HLA-F: variants seen among roughly 807,000 people sequenced by gnomAD.
HLA-F encodes the protein HLA class I histocompatibility antigen, alpha chain F.
In HLA-F, 46 loss-of-function variants were observed where a neutral mutation model predicts 49.5. The ratio of observed to expected loss-of-function variants is 0.93; its 90% CI spans 0.73 to 1.19. HLA-F has a LOEUF of 1.19. Among genes scored for constraint, HLA-F ranks in the 50% most tolerant of loss-of-function variants. The pLI is 0.00. For missense variants in HLA-F, 496 were observed against 579.6 expected (o/e 0.86, Z 1.48); for synonymous variants, 203 against 233.5 (o/e 0.87, Z 1.19).
chr6:29,724,171 A>G lies in HLA-F; in HGVS notation c.335-2A>G. ...GCGGGGCTGACTGCGGGGACCGGCT[A>G]GGGTCTCACACCCTCCAGGGAATGA... On this transcript the variant is annotated splice_acceptor_variant, in intron 2 of 6. Transcript: ENST00000259951. LOFTEE classifies it high-confidence loss of function. The G allele has an allele frequency of 6.2e-7, 1 of 1,612,876 alleles. No individual in the cohort carries two copies. The highest frequency in any genetic ancestry group is 1.1e-5 in the South Asian group (1 of 91,074).
At position 29,726,974 on chromosome 6, in the gene HLA-F, C is replaced by T; in HGVS notation, c.1128C>T (p.Leu376=). ...GVLFQGYLGC[L]RSHSVLGRRK... ...TCTTCCAAGGATATTTGGGCTGCCT[C>T]CGGAGTCACAGTGTCTTGGGCCGCC... The change falls in exon 7 of 7, where the codon CTC becomes CTT. Residue 376 remains leucine (L), a synonymous_variant. Transcript: ENST00000259951. 6.2e-7 allele frequency: 1 copy of T among 1,613,138 alleles called. No individual in the cohort carries two copies. Among genetic ancestry groups the T allele is most frequent in the Non-Finnish European group, 8.5e-7 (1 of 1,180,032 alleles).
Position 29,723,724 on chromosome 6 carries a change from T to C in HLA-F, c.131T>C (p.Ile44Thr). The change falls in exon 2 of 7, where the codon ATC (isoleucine) becomes ACC (threonine). Residue 44 changes from isoleucine to threonine, a missense_variant. By Grantham distance (89) the Ile-to-Thr change is moderately conservative. Coordinates refer to ENST00000259951, the MANE Select transcript of HLA-F (RefSeq NM_001098479.2). ...CCCGGCCGCGGGGAGCCCCGCTACA[T>C]CGCCGTGGAGTACGTAGACGACACG... ...SRPGRGEPRYIAVEYVDDTQF... is the reference protein window; with the variant it reads ...SRPGRGEPRYTAVEYVDDTQF... The C allele has an allele frequency of 1.2e-6, 2 of 1,612,012 alleles. No homozygotes were observed. Among genetic ancestry groups the C allele is most frequent in the Non-Finnish European group, 1.7e-6 (2 of 1,179,870 alleles).
chr6:29,724,231 C>T lies in HLA-F; in HGVS notation c.393C>T (p.Leu131=), dbSNP rs755346551. ...ACATGGGGCCCGACGGACGCCTCCT[C>T]CGCGGGTATCACCAGCACGCGTACG... ...GCDMGPDGRL[L]RGYHQHAYDG... The change falls in exon 3 of 7, where the codon CTC becomes CTT. Residue 131 remains leucine (L), a synonymous_variant. Coordinates refer to ENST00000259951, the MANE Select transcript of HLA-F (RefSeq NM_001098479.2). The T allele has an allele frequency of 3.7e-6, 6 of 1,613,118 alleles. No homozygotes were observed. The highest frequency in any genetic ancestry group is 5.1e-6 in the Non-Finnish European group (6 of 1,180,048).
At chr6:29,727,348 T>C (rs2127591380), downstream of HLA-F, 3 of 505,280 alleles carry the variant, frequency 5.9e-6, no homozygotes, top group East Asian at 9.6e-5. Context: ...TACATTTTTG[T>C]ACCTATTTTT....
At chr6:29,725,710 A>G in intron 5 of HLA-F, 147 bp downstream of exon 5, 2 of 742,140 alleles carry the variant, frequency 2.7e-6, no homozygotes. Context: ...GCCAGCACCT[A>G]CTCATTTGTA....
Position 29,723,722 on chromosome 6 carries a change from CAT to C in HLA-F, c.130_131del (p.Ile44ArgfsTer51), listed in dbSNP as rs1775634747. On this transcript the variant is annotated frameshift_variant, in exon 2 of 7. Coordinates refer to ENST00000259951, the MANE Select transcript of HLA-F (RefSeq NM_001098479.2). LOFTEE classifies it high-confidence loss of function. ...GGCCCGGCCGCGGGGAGCCCCGCTA[CAT>C]CGCCGTGGAGTACGTAGACGACACG... Reference protein sequence around the residue: ...SRPGRGEPRYIAVEYVDDTQF... With the variant: ...SRPGRGEPRYXAVEYVDDTQF... 2 of 1,611,938 alleles carry C rather than the reference CAT, an allele frequency of 1.2e-6. No homozygotes were observed. The highest frequency in any genetic ancestry group is 1.7e-6 in the Non-Finnish European group (2 of 1,179,886).
rs763933989 is a variant in HLA-F, at chr6:29,724,376, TAC to T, written c.539_540del (p.Tyr180SerfsTer37). On this transcript the variant is annotated frameshift_variant, in exon 3 of 7. Transcript: ENST00000259951. LOFTEE classifies it high-confidence loss of function. ...AEEYAEEFRT[Y>X]LEGECLELLR... ...GGAATATGCAGAGGAGTTCAGGACC[TAC>T]CTGGAGGGCGAGTGCCTGGAGTTGC... The T allele has an allele frequency of 6.2e-7, 1 of 1,613,226 alleles. No homozygotes were observed.
chr6:29,728,183 C>A (rs1776286164), downstream of HLA-F: 3 of 432,762 alleles, frequency 6.9e-6, no homozygotes, highest in Non-Finnish European at 1.4e-5. Flanking sequence ...AGCCCCAATA[C>A]CAAGATTGCC....
intron 4 of HLA-F, 68 bp from the exon 5 acceptor site, chr6:29,725,379 G>A: frequency 6.2e-7 from 1 of 1,609,132 alleles, no homozygotes; most frequent in Admixed American, 1.7e-5. Context: ...AGCCCTTCTG[G>A]AGCTCTTCAG....
At position 29,726,347 on chromosome 6, in the gene HLA-F, AGT is replaced by A. The variant is rs1249545810; in HGVS notation, c.1036+307_1036+308del. On this transcript the variant is annotated intron_variant, in intron 6 of 6. Transcript: ENST00000259951. Reference sequence around the variant, plus strand: ...CTTGAGCATGAAATGGGCTATTTAGAGTGTTACCTCTCACTGTGACTGATACG... The same window carrying A: ...CTTGAGCATGAAATGGGCTATTTAGAGTTACCTCTCACTGTGACTGATACG... 14 of 1,576,256 alleles carry A rather than the reference AGT, an allele frequency of 8.9e-6. No individual in the cohort carries two copies. The Admixed American group carries it at 2.3e-4, about 26-fold the overall frequency.
chr6:29,735,307 A>T (rs974569165), intron 3 of HLA-F: 3 of 146,952 alleles, frequency 2.0e-5, no homozygotes, highest in African/African-American at 7.5e-5. Flanking sequence ...ATATATAGTT[A>T]TATATATGTA....
rs368235681 is a variant in HLA-F, at chr6:29,725,022, T to C, written c.611-9T>C. The stretch of plus-strand genomic sequence containing the variant: ...GTGCAAAGTGCCTGAATTTTCTGAC[T>C]CTTCTCAGATCCTCCAAAGGCACAC... On this transcript the variant is annotated splice_polypyrimidine_tract_variant and intron_variant, in intron 3 of 6. Coordinates refer to ENST00000259951, the MANE Select transcript of HLA-F (RefSeq NM_001098479.2). The C allele has an allele frequency of 8.7e-6, 14 of 1,611,298 alleles. No individual in the cohort carries two copies. The African/African-American group carries it at 1.7e-4, about 20-fold the overall frequency.
At chr6:29,728,642 A>G (rs1205302415), downstream of HLA-F, 1 of 152,256 alleles carries the variant, frequency 6.6e-6, no homozygotes, top group Non-Finnish European at 1.5e-5. Context: ...GTCAAATTCC[A>G]TCAAAGAAAT....
chr6:29,733,052 GGTGGCGCATGC>G, intron 3 of HLA-F, among the ~76,000 whole-genome samples: 2 of 152,256 alleles, frequency 1.3e-5, no homozygotes, highest in South Asian at 4.1e-4. Context: ...TGCTGGGCCT[GGTGGCGCATGC>G]GTGTAATCTC....
At chr6:29,737,235 A>AAAAAAAAAAAAAC in intron 3 of HLA-F, among the ~76,000 whole-genome samples, 1 of 150,622 alleles carries the variant, frequency 6.6e-6, no homozygotes, top group African/African-American at 2.4e-5. Context: ...AAAAAAAAAA[A>AAAAAAAAAAAAAC]AAAAAACCCT....
chr6:29,737,550 A>G (rs1215543006), intron 3 of HLA-F, among the ~76,000 whole-genome samples: 1 of 152,198 alleles, frequency 6.6e-6, no homozygotes, highest in Admixed American at 6.5e-5. Context: ...GGGGCAGTTG[A>G]TGGGGCTTCT....
At chr6:29,730,741 C>G (rs113362142), downstream of HLA-F, among the ~76,000 whole-genome samples, 2 of 152,088 alleles carry the variant, frequency 1.3e-5, no homozygotes, top group Non-Finnish European at 2.9e-5. Flanking sequence ...GCCTCTCAAA[C>G]GAAAATTAGG....
In HLA-F at chr6:29,725,214, G is replaced by A. The variant is rs530108558; in HGVS notation, c.794G>A (p.Trp265Ter). 6.8e-6 allele frequency: 11 copies of A among 1,614,004 alleles called. No individual in the cohort carries two copies. In the African/African-American group the frequency reaches 8.0e-5, roughly 12 times the overall value. The change falls in exon 4 of 7, where the codon TGG becomes TAG. Residue 265 changes from tryptophan to a stop codon, truncating the protein, a stop_gained. Coordinates refer to ENST00000259951, the MANE Select transcript of HLA-F (RefSeq NM_001098479.2). LOFTEE classifies it high-confidence loss of function. ...RPAGDGTFQKWAAVVVPPGEE... is the reference protein window; with the variant it reads ...RPAGDGTFQK ...GCAGGGGATGGAACCTTCCAGAAGTGGGCCGCTGTGGTGGTGCCTCCTGGA... is the reference window on the plus strand; with the variant it reads ...GCAGGGGATGGAACCTTCCAGAAGTAGGCCGCTGTGGTGGTGCCTCCTGGA...
intron 3 of HLA-F, among the ~76,000 whole-genome samples, chr6:29,733,610 C>T (rs1018247007): frequency 5.9e-5 from 9 of 152,216 alleles, no homozygotes; most frequent in Non-Finnish European, 7.3e-5. Context: ...GCTTGGACAA[C>T]ATAGCAAGAC....
Sources: gnomAD v4.1 joint callset for allele counts (sites outside exome capture counted in the v4.1 genomes callset) on GRCh38, gnomAD v4.1.1 for gene constraint, MANE v1.5 for transcripts, NCBI Gene and HGNC (gene_info 2026-07-23, HGNC 2026-07-21) for gene names.